RPL12: variants seen among roughly 807,000 people sequenced by gnomAD.
RPL12 encodes ribosomal protein L12, also known as large ribosomal subunit protein uL11.
RPL12 carries 10 observed loss-of-function variants against 24.5 expected under a neutral mutation model. The ratio of observed to expected loss-of-function variants is 0.41; its 90% confidence interval spans 0.25 to 0.69. The LOEUF is 0.69. Ranked by LOEUF, RPL12 falls within the 30% of genes least tolerant of loss-of-function variation. The pLI is 0.33. For missense variants in RPL12, 137 were observed against 205.3 expected, an observed-to-expected ratio of 0.67 and a Z score of 2.03; for synonymous variants, 74 against 76.1, an observed-to-expected ratio of 0.97 and a Z score of 0.14.
At chr9:127,448,070 T>G in intron 5 of RPL12, 81 bp from the exon 6 acceptor site, 1 of 1,476,156 alleles carries the variant, frequency 6.8e-7, no homozygotes, top group Non-Finnish European at 9.1e-7. Context: ...ACTGAAGGGG[T>G]TCATAGCAGG....
At chr9:127,449,946 T>A in intron 2 of RPL12, 1 of 500,150 alleles carries the variant, frequency 2.0e-6, no homozygotes, top group East Asian at 3.5e-5. Context: ...GCCCATGTGC[T>A]TAAGGAGGGG....
In RPL12 at chr9:127,451,391, G is replaced by A; in HGVS notation, c.-74C>T. The stretch of plus-strand genomic sequence containing the variant: ...GAAGTTGCACCTTGGCCTCCTCCGA[G>A]CCGAAAGCCGAGAGGCCGGAAATCG... On this transcript the variant is annotated 5_prime_UTR_variant, in exon 1 of 7. Transcript: ENST00000361436. 2 of 1,586,138 alleles carry A rather than the reference G, an allele frequency of 1.3e-6. No homozygotes were observed. The highest frequency in any genetic ancestry group is 1.1e-5 in the South Asian group (1 of 89,688).
intron 5 of RPL12, 61 bp downstream of exon 5, chr9:127,448,274 ATG>A: frequency 1.5e-6 from 2 of 1,320,232 alleles, no homozygotes; most frequent in Non-Finnish European, 2.2e-6. Flanking sequence ...AGTAAGAAGA[ATG>A]TTATCACTCA....
chr9:127,451,166 G>C, intron 1 of RPL12, 115 bp downstream of exon 1: 1 of 1,399,354 alleles, frequency 7.1e-7, no homozygotes, highest in Non-Finnish European at 9.8e-7. Flanking sequence ...CGCAACACCG[G>C]GAAGGTCTCT....
At chr9:127,450,873 C>T in intron 1 of RPL12, 69 bp from the exon 2 acceptor site, 3 of 1,201,344 alleles carry the variant, frequency 2.5e-6, no homozygotes, top group South Asian at 1.4e-5. Flanking sequence ...AGCGTCTTTC[C>T]GGGGTTGGAC....
In RPL12 at chr9:127,449,587, CGAAACCAA is replaced by C; in HGVS notation, c.210+15_210+22del. 6.2e-7 allele frequency: 1 copy of C among 1,608,018 alleles called. No homozygotes were observed. Among genetic ancestry groups the C allele is most frequent in the Non-Finnish European group, 8.5e-7 (1 of 1,174,618 alleles). Reference sequence around the variant, plus strand: ...TACCTGTCCCCCCACCCTCCTCTCCCGAAACCAAGCACAAGCAAATACCTGGGCCTGTC... The same window carrying C: ...TACCTGTCCCCCCACCCTCCTCTCCCGCACAAGCAAATACCTGGGCCTGTC... On this transcript the variant is annotated intron_variant, in intron 3 of 6. Coordinates refer to ENST00000361436, the MANE Select transcript of RPL12 (RefSeq NM_000976.4).
rs1384565896 is a variant in RPL12, at chr9:127,451,323, A to G, written c.-6T>C. ...GGGTCGAACTTCGGCGGCATGGTGGAGGCGGCTGGTGTCGGATGAACCCGG... is the reference window on the plus strand; with the variant it reads ...GGGTCGAACTTCGGCGGCATGGTGGGGGCGGCTGGTGTCGGATGAACCCGG... On this transcript the variant is annotated 5_prime_UTR_variant, in exon 1 of 7. Transcript: ENST00000361436. 1.2e-6 allele frequency: 2 copies of G among 1,612,302 alleles called. No homozygotes were observed. The highest frequency in any genetic ancestry group is 2.2e-5 in the South Asian group (2 of 91,032).
chr9:127,448,321 G>T lies in RPL12; in HGVS notation c.379+16C>A. On this transcript the variant is annotated intron_variant, in intron 5 of 6. Coordinates refer to ENST00000361436, the MANE Select transcript of RPL12 (RefSeq NM_000976.4). ...ACAACTACAGTTATGGCGGTTACAT[G>T]TTGTCCTGCTCTTACCAGAGAGTTC... 1 of 1,587,214 alleles carries T rather than the reference G, an allele frequency of 6.3e-7. No homozygotes were observed. The highest frequency in any genetic ancestry group is 8.7e-7 in the Non-Finnish European group (1 of 1,155,674).
chr9:127,449,738 T>TGTCC lies in RPL12; in HGVS notation c.112-34_112-31dup, dbSNP rs770822771. ...AAATAAAGGCATGTAATCAACATGG[T>TGTCC]GTCCAGAGGTGAACCACAGCCTTGA... On this transcript the variant is annotated intron_variant, in intron 2 of 6. Transcript: ENST00000361436. 13 of 1,556,770 alleles carry TGTCC rather than the reference T, an allele frequency of 8.4e-6. No individual in the cohort carries two copies. In the Admixed American group the frequency reaches 2.2e-4, roughly 26 times the overall value.
In RPL12 at chr9:127,448,218, T is replaced by C. The variant is rs571026749; in HGVS notation, c.379+119A>G. The stretch of plus-strand genomic sequence containing the variant: ...TCCAATTTACGATCCATCCTTTCAG[T>C]CCCAGAAAACTGCACCCCATCTTGG... On this transcript the variant is annotated intron_variant, in intron 5 of 6. Transcript: ENST00000361436. 10 of 1,015,844 alleles carry C rather than the reference T, an allele frequency of 9.8e-6. No homozygotes were observed. The East Asian group carries it at 2.1e-4, about 22-fold the overall frequency. The allele number at this position is 1,015,844 out of a possible 1,614,324, so 62.9% of individuals were successfully genotyped here. A position where few individuals can be genotyped will look rare whatever the true frequency, so the allele number is the denominator to read the frequency against.
intron 6 of RPL12, 53 bp downstream of exon 6, chr9:127,447,824 A>G (rs1245039302): frequency 2.5e-6 from 4 of 1,611,786 alleles, no homozygotes; most frequent in East Asian, 2.2e-5. Flanking sequence ...CTCTGTGAAT[A>G]CACTGGGTGG....
At chr9:127,448,265 G>T in intron 5 of RPL12, 72 bp downstream of exon 5, 1 of 1,279,522 alleles carries the variant, frequency 7.8e-7, no homozygotes, top group Non-Finnish European at 1.1e-6. Context: ...CACCCTTCAA[G>T]TAAGAAGAAT....
intron 4 of RPL12, 45 bp downstream of exon 4, chr9:127,449,236 C>T (rs1435650665): frequency 1.3e-6 from 2 of 1,519,368 alleles, no homozygotes; most frequent in Admixed American, 3.5e-5. Context: ...TATCAAACAT[C>T]TCACAAACCA....
intron 2 of RPL12, 115 bp downstream of exon 2, chr9:127,450,616 A>G (rs1834276210): frequency 1.4e-6 from 1 of 718,948 alleles, no homozygotes; most frequent in Non-Finnish European, 2.3e-6. Context: ...GCTCAGGCCT[A>G]CTGAGGGTGA....
At chr9:127,449,829 C>G in intron 2 of RPL12, 121 bp from the exon 3 acceptor site, 2 of 727,088 alleles carry the variant, frequency 2.8e-6, no homozygotes, top group Admixed American at 4.1e-5. Flanking sequence ...GGCACCTTCT[C>G]AATCAGAGCA....
chr9:127,449,816 A>G (rs1834241581), intron 2 of RPL12, 108 bp from the exon 3 acceptor site: 2 of 799,358 alleles, frequency 2.5e-6, no homozygotes, highest in Non-Finnish European at 4.2e-6. Flanking sequence ...TCAAGTACCT[A>G]AGGGCACCTT....
At chr9:127,451,164 C>A in intron 1 of RPL12, 117 bp downstream of exon 1, 1 of 1,389,700 alleles carries the variant, frequency 7.2e-7, no homozygotes, top group Non-Finnish European at 9.8e-7. Flanking sequence ...GGCGCAACAC[C>A]GGGAAGGTCT....
chr9:127,450,676 G>A, intron 2 of RPL12, 55 bp downstream of exon 2: 3 of 1,363,070 alleles, frequency 2.2e-6, no homozygotes, highest in Non-Finnish European at 3.0e-6. Flanking sequence ...TCCACGAGCC[G>A]GCGCTTAAAG....
intron 2 of RPL12, 113 bp from the exon 3 acceptor site, chr9:127,449,821 C>T: frequency 1.3e-6 from 1 of 773,792 alleles, no homozygotes; most frequent in Non-Finnish European, 2.2e-6. Context: ...TACCTAAGGG[C>T]ACCTTCTCAA....
Sources: allele counts gnomAD v4.1 joint callset, GRCh38; gene constraint gnomAD v4.1.1; transcripts MANE v1.5; gene names NCBI Gene and HGNC (gene_info 2026-07-23, HGNC 2026-07-21).